MGAM: variants seen among roughly 807,000 people sequenced by gnomAD.
MGAM encodes maltase-glucoamylase, also known as alpha-1,4-glucosidase.
In MGAM, 253 loss-of-function variants were observed where a neutral mutation model predicts 358.8. That is an observed-to-expected ratio of 0.71 (90% CI 0.64 to 0.78). The LOEUF (loss-of-function observed/expected upper bound fraction) is 0.78, where lower values mean the gene tolerates loss of function less well. Among genes scored for constraint, MGAM ranks in the 30% least tolerant of loss-of-function variants. The probability of loss-of-function intolerance (pLI) is 0.00; values close to 1 mark genes in which losing one functional copy is unlikely to be tolerated. For missense variants in MGAM, 3,080 were observed against 3,432.6 expected (o/e 0.90, Z 2.57); for synonymous variants, 1,105 against 1,227.1 (o/e 0.90, Z 2.08).
At chr7:142,036,423 A>G in intron 17 of MGAM, 138 bp downstream of exon 17, 1 of 685,308 alleles carries the variant, frequency 1.5e-6, no homozygotes, top group Non-Finnish European at 2.5e-6. Flanking sequence ...ATCATGTGCA[A>G]TTAACCAGAA....
intron 23 of MGAM, 64 bp from the exon 24 acceptor site, chr7:142,050,633 G>A (rs1810854384): frequency 1.3e-6 from 2 of 1,497,908 alleles, no homozygotes; most frequent in South Asian, 1.2e-5. Context: ...GAATATTTGA[G>A]TGACTTGAGA....
At chr7:142,099,519 G>A in intron 66 of MGAM, 94 bp from the exon 67 acceptor site, 2 of 1,590,496 alleles carry the variant, frequency 1.3e-6, no homozygotes, top group Non-Finnish European at 1.7e-6. Context: ...GCAGGCATAA[G>A]TTCAGAAGGG....
intron 10 of MGAM, among the ~76,000 whole-genome samples, chr7:142,029,327 T>A (rs1554462383): frequency 6.6e-6 from 1 of 151,808 alleles, no homozygotes. Context: ...GCCACTGTAT[T>A]CCAGCCTGGG....
Position 142,074,154 on chromosome 7 carries a change from G to A in MGAM, c.5256G>A (p.Trp1752Ter). Reference protein sequence around the residue: ...ENKEAKGELFWDDGQTKDTVA... With the variant: ...ENKEAKGELF The stretch of plus-strand genomic sequence containing the variant: ...AAGAAGCAAAAGGAGAACTTTTCTG[G>A]GATGATGGGCAAACAAAGGGTGAGC... The change falls in exon 45 of 71, where the codon TGG becomes TGA. Residue 1752 changes from tryptophan to a stop codon, truncating the protein, a stop_gained. Transcript: ENST00000475668. LOFTEE classifies it high-confidence loss of function. 6.5e-7 allele frequency: 1 copy of A among 1,539,620 alleles called. No individual in the cohort carries two copies. Among genetic ancestry groups the A allele is most frequent in the Non-Finnish European group, 8.9e-7 (1 of 1,123,428 alleles).
At chr7:141,990,088 C>T (rs1270149892) in intron 2 of MGAM, among the ~76,000 whole-genome samples, 1 of 152,106 alleles carries the variant, frequency 6.6e-6, no homozygotes, top group Non-Finnish European at 1.5e-5. Flanking sequence ...GCTCTGTGGG[C>T]AGCATCTTAA....
At chr7:142,091,766 A>T in intron 57 of MGAM, 147 bp from the exon 58 acceptor site, 1 of 879,822 alleles carries the variant, frequency 1.1e-6, no homozygotes, top group South Asian at 2.1e-5. Context: ...ACATTTCTCT[A>T]ATAAGTTAAT....
chr7:142,052,002 G>A (rs1811021456), intron 24 of MGAM, among the ~76,000 whole-genome samples: 1 of 152,076 alleles, frequency 6.6e-6, no homozygotes, highest in Non-Finnish European at 1.5e-5. Flanking sequence ...AGCGAGCTAA[G>A]AGGAGTCAGG....
rs1812535374 is a variant in MGAM, at chr7:142,064,507, C to T, written c.4469C>T (p.Thr1490Ile). The T allele has an allele frequency of 6.3e-7, 1 of 1,576,128 alleles. No homozygotes were observed. The highest frequency in any genetic ancestry group is 8.6e-7 in the Non-Finnish European group (1 of 1,160,948). ...CACAACCTGTATGGGTGGTCCCAGA[C>T]CAGACCCACATACGAGTGAGTCTCC... ...NVHNLYGWSQ[T>I]RPTYEAVQEV... is the part of the protein sequence containing the mutation. Residue 1490 changes from threonine to isoleucine, a missense_variant, in exon 37 of 71, where the codon ACC (threonine) becomes ATC (isoleucine). Thr to Ile is a moderately conservative substitution (Grantham distance 89). This residue lies in a region of MGAM where 134 missense variants were observed against 198.4 expected (regional missense o/e 0.68). Coordinates refer to ENST00000475668, the MANE Select transcript of MGAM (RefSeq NM_001365693.1).
chr7:142,020,761 T>G (rs1251834579), intron 4 of MGAM, among the ~76,000 whole-genome samples: 1 of 151,730 alleles, frequency 6.6e-6, no homozygotes, highest in African/African-American at 2.4e-5. Flanking sequence ...ACCCGGCTAA[T>G]TTTTGTATTT....
At chr7:142,042,826 AAT>A (rs1298459686) in intron 21 of MGAM, among the ~76,000 whole-genome samples, 1 of 48,850 alleles carries the variant, frequency 2.0e-5, no homozygotes, top group Non-Finnish European at 3.9e-5. Context: ...ATCTAAATAT[AAT>A]ATCTATATTA....
intron 21 of MGAM, among the ~76,000 whole-genome samples, chr7:142,042,000 T>A (rs1391612779): frequency 4.6e-4 from 6 of 13,072 alleles, no homozygotes; most frequent in African/African-American, 1.6e-3. Context: ...ATATATATAT[T>A]ATATATATAA....
intron 22 of MGAM, among the ~76,000 whole-genome samples, chr7:142,048,306 G>C (rs901091382): frequency 1.3e-5 from 2 of 151,578 alleles, no homozygotes; most frequent in African/African-American, 2.4e-5. Flanking sequence ...CTACCACCAT[G>C]CCTGGCTAAT....
intron 16 of MGAM, 27 bp from the exon 17 acceptor site, chr7:142,036,142 A>G (rs1298011280): frequency 2.7e-6 from 4 of 1,499,770 alleles, no homozygotes; most frequent in African/African-American, 2.8e-5. Context: ...GAAGTGAGGT[A>G]TACCTGTTGT....
intron 3 of MGAM, among the ~76,000 whole-genome samples, chr7:142,015,122 G>C (rs1805875813): frequency 6.6e-6 from 1 of 151,884 alleles, no homozygotes; most frequent in Admixed American, 6.6e-5. Context: ...GTTCTGTTGT[G>C]GTTTCAGTGC....
At chr7:142,056,749 A>T in intron 29 of MGAM, 81 bp from the exon 30 acceptor site, 9 of 1,359,608 alleles carry the variant, frequency 6.6e-6, no homozygotes, top group Non-Finnish European at 9.2e-6. Flanking sequence ...GGGTGCAGGA[A>T]GATGGAGAAT....
chr7:142,021,551 A>G, intron 5 of MGAM, 35 bp from the exon 6 acceptor site: 1 of 1,603,908 alleles, frequency 6.2e-7, no homozygotes, highest in Non-Finnish European at 8.5e-7. Flanking sequence ...ACAAGTTTTT[A>G]TTTTGGCTTT....
At chr7:142,059,664 A>T (rs2129038602) in intron 32 of MGAM, 64 bp downstream of exon 32, 3 of 1,599,632 alleles carry the variant, frequency 1.9e-6, no homozygotes, top group Non-Finnish European at 8.5e-7. Context: ...GTGGAGTCAG[A>T]GTTATACTTT....
chr7:142,066,456 T>C lies in MGAM; in HGVS notation c.4771-117T>C, dbSNP rs993950589. 1.2e-5 allele frequency: 14 copies of C among 1,192,766 alleles called. 3 individuals carry two copies. The Admixed American group carries it at 2.8e-4, about 24-fold the overall frequency. The allele number at this position is 1,192,766 out of a possible 1,614,324, so 73.9% of individuals were successfully genotyped here. ...AAGAATATTCTCTGGGCCTCATGTA[T>C]AGTTTTCTTTTGTTTAGCTGTGAGT... On this transcript the variant is annotated intron_variant, in intron 40 of 70. Transcript: ENST00000475668.
chr7:142,105,322 C>G (rs562811860), intron 70 of MGAM, among the ~76,000 whole-genome samples: 1 of 150,820 alleles, frequency 6.6e-6, no homozygotes, highest in Admixed American at 6.6e-5. Context: ...GAGTCTCACT[C>G]TGTTGCCTAG....
Sources: gnomAD v4.1 joint callset for allele counts (sites outside exome capture counted in the v4.1 genomes callset) on GRCh38, gnomAD v4.1.1 for gene constraint, gnomAD v4.1.1 regional missense constraint, MANE v1.5 for transcripts, NCBI Gene and HGNC (gene_info 2026-07-23, HGNC 2026-07-21) for gene names.